LRRTM4: variants seen among roughly 807,000 people sequenced by gnomAD.
LRRTM4 encodes leucine-rich repeat transmembrane neuronal protein 4.
Under a neutral mutation model 47.6 loss-of-function variants are expected in LRRTM4, and 25 were observed. The ratio of observed to expected loss-of-function variants is 0.53; its 90% CI spans 0.38 to 0.73. LRRTM4 has a LOEUF of 0.73. Ranked by LOEUF, LRRTM4 falls within the 30% of genes least tolerant of loss-of-function variation. The probability of loss-of-function intolerance (pLI) is 0.00; values close to 1 mark genes in which losing one functional copy is unlikely to be tolerated. For missense variants in LRRTM4, 638 were observed against 713.4 expected (o/e 0.89, Z 1.20); for synonymous variants, 311 against 269.5 (o/e 1.15, Z -1.51).
chr2:77,362,341 T>C (rs747405230), intron 3 of LRRTM4, among the ~76,000 whole-genome samples: 3 of 152,144 alleles, frequency 2.0e-5, no homozygotes, highest in Non-Finnish European at 2.9e-5. Flanking sequence ...ATGAGACTGG[T>C]GTGCCTAAGT....
At chr2:77,052,991 AAC>A (rs1377253137) in intron 3 of LRRTM4, among the ~76,000 whole-genome samples, 1 of 152,162 alleles carries the variant, frequency 6.6e-6, no homozygotes, top group African/African-American at 2.4e-5. Context: ...TAAAAAAAAA[AAC>A]TATCAAATGA....
intron 3 of LRRTM4, among the ~76,000 whole-genome samples, chr2:76,974,215 T>TATATATACATATATATATATACAC (rs1676334529): frequency 1.0e-5 from 1 of 96,162 alleles, no homozygotes. Context: ...TATATACACA[T>TATATATACATATATATATATACAC]ATATATACAT....
chr2:77,362,172 A>AGAAAG (rs1165212999), intron 3 of LRRTM4, among the ~76,000 whole-genome samples: 2 of 150,738 alleles, frequency 1.3e-5, no homozygotes, highest in African/African-American at 4.9e-5. Context: ...AAAGAAAGAA[A>AGAAAG]GGAAGGAAGG....
In LRRTM4 at chr2:77,518,821, C is replaced by A; in HGVS notation, c.1048G>T (p.Val350Phe). 1.2e-6 allele frequency: 2 copies of A among 1,610,970 alleles called. No homozygotes were observed. Among genetic ancestry groups the A allele is most frequent in the Non-Finnish European group, 1.7e-6 (2 of 1,178,390 alleles). ...AGPKHIQGEKVSDAVETYNIC... is the reference protein window; with the variant it reads ...AGPKHIQGEKFSDAVETYNIC... ...TTATATGTTTCCACTGCATCACTAA[C>A]CTTTTCACCCTGGATGTGCTTAGGT... Residue 350 changes from valine to phenylalanine, a missense_variant, in exon 3 of 4, where the codon GTT becomes TTT. Val to Phe is a conservative substitution (Grantham distance 50). Coordinates refer to ENST00000409884, the MANE Select transcript of LRRTM4 (RefSeq NM_001134745.3).
At chr2:76,903,175 T>A (rs1343273806) in intron 3 of LRRTM4, among the ~76,000 whole-genome samples, 2 of 151,870 alleles carry the variant, frequency 1.3e-5, no homozygotes, top group Non-Finnish European at 2.9e-5. Context: ...ATCAAGATCA[T>A]CCTGGCTAAC....
chr2:76,795,590 C>T (rs1014861195), intron 3 of LRRTM4, among the ~76,000 whole-genome samples: 1 of 64,782 alleles, frequency 1.5e-5, no homozygotes, highest in Non-Finnish European at 2.6e-5. Flanking sequence ...CACACACACA[C>T]ATACACACAC....
In LRRTM4 at chr2:77,130,869, C is replaced by T. The variant is rs1416947501; in HGVS notation, c.1552-381953G>A. 9.1e-5 allele frequency among the ~76,000 whole-genome samples: 9 copies of T among 98,480 alleles called. 1 individual carries two copies. The highest frequency in any genetic ancestry group is 4.6e-4 in the Admixed American group (3 of 6,478). The allele number at this position is 98,480 out of a possible 152,430, so 64.6% of individuals were successfully genotyped here. Reference sequence around the variant, plus strand: ...TTTTTTTTTGAGACGGAGTCTCGCTCTGTCGCCCAGGCTGGAGTGCAGTGG... The same window carrying T: ...TTTTTTTTTGAGACGGAGTCTCGCTTTGTCGCCCAGGCTGGAGTGCAGTGG... On this transcript the variant is annotated intron_variant, in intron 3 of 3. Transcript: ENST00000409884.
At chr2:77,186,485 C>G (rs1291314517) in intron 3 of LRRTM4, among the ~76,000 whole-genome samples, 2 of 152,088 alleles carry the variant, frequency 1.3e-5, no homozygotes, top group African/African-American at 4.8e-5. Flanking sequence ...AGAATAAGCA[C>G]TTAATAAGTG....
At chr2:76,966,784 T>C (rs935482115) in intron 3 of LRRTM4, among the ~76,000 whole-genome samples, 1 of 151,512 alleles carries the variant, frequency 6.6e-6, no homozygotes, top group African/African-American at 2.4e-5. Flanking sequence ...CATTGTACAG[T>C]GGTTGACACT....
intron 3 of LRRTM4, among the ~76,000 whole-genome samples, chr2:77,365,824 T>C (rs541641540): frequency 3.3e-5 from 5 of 150,744 alleles, no homozygotes; most frequent in African/African-American, 1.2e-4. Flanking sequence ...TGGAAATGTG[T>C]ATACTTAAGA....
intron 3 of LRRTM4, among the ~76,000 whole-genome samples, chr2:76,797,630 G>GC (rs2103751560): frequency 1.3e-5 from 2 of 151,460 alleles, no homozygotes; most frequent in African/African-American, 4.9e-5. Context: ...AACTTTAAAT[G>GC]TAAATGGACT....
chr2:77,451,762 A>C (rs1265875185), intron 3 of LRRTM4, among the ~76,000 whole-genome samples: 1 of 152,170 alleles, frequency 6.6e-6, no homozygotes, highest in Non-Finnish European at 1.5e-5. Flanking sequence ...AATAGAATGC[A>C]TGGTGTAGTG....
chr2:76,831,828 G>A (rs983389453), intron 3 of LRRTM4, among the ~76,000 whole-genome samples: 1 of 151,934 alleles, frequency 6.6e-6, no homozygotes, highest in Non-Finnish European at 1.5e-5. Flanking sequence ...AAAATTGTAT[G>A]TTTATATTTT....
chr2:76,844,293 C>T (rs1671775308), intron 3 of LRRTM4, among the ~76,000 whole-genome samples: 1 of 151,738 alleles, frequency 6.6e-6, no homozygotes, highest in African/African-American at 2.4e-5. Context: ...TGCCACCACG[C>T]CCGGCTAATT....
At position 76,931,077 on chromosome 2, in the gene LRRTM4, A is replaced by G. The variant is rs148516507; in HGVS notation, c.1552-182161T>C. ...TTGTTTTACAGCAGTTATCTTACCT[A>G]TGCAAGCAAAAGGCCATGGGATTAT... is the stretch of plus-strand genomic sequence containing the variant. On this transcript the variant is annotated intron_variant, in intron 3 of 3. Coordinates refer to ENST00000409884, the MANE Select transcript of LRRTM4 (RefSeq NM_001134745.3). Among the ~76,000 whole-genome samples the G allele has an allele frequency of 4.9e-4, 74 of 152,262 alleles. No individual in the cohort carries two copies. In the East Asian group the frequency reaches 0.014, roughly 29 times the overall value.
At chr2:77,442,741 C>T (rs1474140788) in intron 3 of LRRTM4, among the ~76,000 whole-genome samples, 1 of 152,194 alleles carries the variant, frequency 6.6e-6, no homozygotes, top group African/African-American at 2.4e-5. Context: ...AGCTACTTTT[C>T]TTGCTGATAG....
chr2:77,303,052 C>G (rs1258919887), intron 3 of LRRTM4, among the ~76,000 whole-genome samples: 1 of 152,108 alleles, frequency 6.6e-6, no homozygotes, highest in Non-Finnish European at 1.5e-5. Flanking sequence ...ATTGCTCAGG[C>G]CCTGACAATT....
intron 3 of LRRTM4, among the ~76,000 whole-genome samples, chr2:77,321,640 G>A (rs559823621): frequency 1.3e-5 from 2 of 151,590 alleles, no homozygotes; most frequent in African/African-American, 2.4e-5. Flanking sequence ...AGACAAAACC[G>A]GGGGGAAATA....
chr2:77,409,771 G>C (rs1358203921), intron 3 of LRRTM4, among the ~76,000 whole-genome samples: 1 of 152,068 alleles, frequency 6.6e-6, no homozygotes, highest in Non-Finnish European at 1.5e-5. Flanking sequence ...TTGAAACTGG[G>C]GTTGACTGAA....
Sources: allele counts gnomAD v4.1 joint callset (sites outside exome capture counted in the v4.1 genomes callset), GRCh38; gene constraint gnomAD v4.1.1; transcripts MANE v1.5; gene names NCBI Gene and HGNC (gene_info 2026-07-23, HGNC 2026-07-21).